MPDZ: variants seen among roughly 807,000 people sequenced by gnomAD.
MPDZ encodes the protein multiple PDZ domain protein.
Under a neutral mutation model 239.1 loss-of-function variants are expected in MPDZ, and 234 were observed. The observed-to-expected ratio is 0.98, with a 90% CI of 0.88 to 1.09. The LOEUF (loss-of-function observed/expected upper bound fraction) is 1.09. Ranked by LOEUF, MPDZ falls within the 50% of genes least tolerant of loss-of-function variation. The pLI is 0.00. For missense variants in MPDZ, 3,175 were observed against 2,510.0 expected (o/e 1.26, Z -5.66); for synonymous variants, 1,048 against 881.3 (o/e 1.19, Z -3.35).
intron 27 of MPDZ, among the ~76,000 whole-genome samples, chr9:13,141,607 T>A (rs944329202): frequency 3.9e-5 from 6 of 152,288 alleles, no homozygotes; most frequent in Non-Finnish European, 7.4e-5. Context: ...TGATTTTTTT[T>A]AAAAAACTGA....
chr9:13,123,380 T>A, intron 35 of MPDZ, 82 bp from the exon 36 acceptor site: 1 of 1,249,710 alleles, frequency 8.0e-7, no homozygotes, highest in Non-Finnish European at 1.1e-6. Flanking sequence ...AGATTGACTC[T>A]GAGGGATGGG....
At chr9:13,168,181 T>C (rs566193672) in intron 22 of MPDZ, among the ~76,000 whole-genome samples, 185 bp downstream of exon 22, 2 of 152,268 alleles carry the variant, frequency 1.3e-5, no homozygotes, top group South Asian at 4.1e-4. Context: ...AATACTGATA[T>C]AGTCTCAAAG....
At position 13,212,733 on chromosome 9, in the gene MPDZ, T is replaced by C. The variant is rs1049916297; in HGVS notation, c.1290+4041A>G. ...AATACCTGTAATCACAGCACTTTGG[T>C]AGGCAGAGGCGAGAGGATCTGTCAA... On this transcript the variant is annotated intron_variant, in intron 10 of 46. Transcript: ENST00000319217. Among the ~76,000 whole-genome samples, 3 of 140,470 alleles carry C rather than the reference T, an allele frequency of 2.1e-5. No individual in the cohort carries two copies. In the Admixed American group the frequency reaches 2.3e-4, roughly 11 times the overall value. 92.2% of individuals were successfully genotyped at this position (140,470 alleles called of 152,430 possible).
chr9:13,264,668 A>C (rs2138930951), intron 1 of MPDZ, among the ~76,000 whole-genome samples: 1 of 152,110 alleles, frequency 6.6e-6, no homozygotes, highest in South Asian at 2.1e-4. Context: ...AAAAAAAAAA[A>C]AAAAAGAGTC....
At chr9:13,241,507 T>C (rs942512594) in intron 3 of MPDZ, among the ~76,000 whole-genome samples, 1 of 152,200 alleles carries the variant, frequency 6.6e-6, no homozygotes, top group African/African-American at 2.4e-5. Context: ...CATCTCCCCT[T>C]TACTGATAGC....
At chr9:13,182,224 A>T (rs1308173132) in intron 19 of MPDZ, among the ~76,000 whole-genome samples, 1 of 152,168 alleles carries the variant, frequency 6.6e-6, no homozygotes, top group African/African-American at 2.4e-5. Flanking sequence ...TATTAAAAAA[A>T]ATTGTCCAGT....
intron 8 of MPDZ, among the ~76,000 whole-genome samples, chr9:13,218,279 A>C (rs545442659): frequency 6.6e-6 from 1 of 152,014 alleles, no homozygotes; most frequent in East Asian, 1.9e-4. Flanking sequence ...AATCTGCTTC[A>C]ATTGAAACAA....
intron 3 of MPDZ, among the ~76,000 whole-genome samples, chr9:13,245,395 T>G (rs1315064946): frequency 6.7e-6 from 1 of 149,632 alleles, no homozygotes; most frequent in Non-Finnish European, 1.5e-5. Flanking sequence ...CATCTAGGGT[T>G]CAACTTTCTA....
intron 10 of MPDZ, 45 bp from the exon 11 acceptor site, chr9:13,206,144 G>A (rs1205042446): frequency 2.0e-6 from 3 of 1,513,660 alleles, no homozygotes; most frequent in Middle Eastern, 1.7e-4. Flanking sequence ...TTAAATAAAT[G>A]GATATTTGTA....
At chr9:13,196,400 C>T (rs1353338235) in intron 12 of MPDZ, among the ~76,000 whole-genome samples, 170 bp from the exon 13 acceptor site, 3 of 152,066 alleles carry the variant, frequency 2.0e-5, no homozygotes, top group Admixed American at 2.0e-4. Context: ...AATTAAGAAC[C>T]CTATAATTTG....
At chr9:13,186,526 A>G (rs1954131812) in intron 17 of MPDZ, 140 bp from the exon 18 acceptor site, 2 of 593,744 alleles carry the variant, frequency 3.4e-6, no homozygotes, top group Non-Finnish European at 6.0e-6. Flanking sequence ...ATATGACTTC[A>G]ACATAGAATG....
chr9:13,139,793 A>C (rs890475559), intron 28 of MPDZ, 194 bp downstream of exon 28: 2 of 648,290 alleles, frequency 3.1e-6, no homozygotes, highest in Non-Finnish European at 5.5e-6. Context: ...TTTAAAGGAA[A>C]GGAAGAGCAT....
chr9:13,218,787 A>C (rs1035783669), intron 8 of MPDZ, among the ~76,000 whole-genome samples: 2 of 151,948 alleles, frequency 1.3e-5, no homozygotes, highest in Non-Finnish European at 2.9e-5. Context: ...TAATTCTTAA[A>C]TATTTAAGAG....
At chr9:13,107,996 A>T (rs1345666641) in intron 46 of MPDZ, among the ~76,000 whole-genome samples, 1 of 152,114 alleles carries the variant, frequency 6.6e-6, no homozygotes, top group Non-Finnish European at 1.5e-5. Flanking sequence ...CTTTTTTAAA[A>T]ATCTTATAAA....
chr9:13,121,877 C>G lies in MPDZ; in HGVS notation c.5093G>C (p.Arg1698Thr). The G allele has an allele frequency of 6.2e-7, 1 of 1,613,924 alleles. No homozygotes were observed. The highest frequency in any genetic ancestry group is 8.5e-7 in the Non-Finnish European group (1 of 1,179,862). Residue 1698 changes from arginine (R) to threonine (T), a missense_variant, in exon 38 of 47, where the codon AGA becomes ACA. Coordinates refer to ENST00000319217, the MANE Select transcript of MPDZ (RefSeq NM_001378778.1). ...ATHDEAINVL[R>T]QTPQRVRLTL... ...CAGGCGCACTCTCTGTGGCGTCTGT[C>G]TCAGGACATTGATTGCTTCATCATG...
intron 19 of MPDZ, among the ~76,000 whole-genome samples, chr9:13,182,970 T>C (rs1219516023): frequency 6.6e-6 from 1 of 152,130 alleles, no homozygotes; most frequent in Non-Finnish European, 1.5e-5. Context: ...TATAAAAACA[T>C]ATGACAGCAT....
chr9:13,243,263 A>G (rs1965838089), intron 3 of MPDZ, among the ~76,000 whole-genome samples: 1 of 152,176 alleles, frequency 6.6e-6, no homozygotes, highest in Non-Finnish European at 1.5e-5. Context: ...TTAAATGAAT[A>G]TAAGAATATG....
At chr9:13,163,114 A>C (rs1407513581) in intron 22 of MPDZ, among the ~76,000 whole-genome samples, 1 of 152,192 alleles carries the variant, frequency 6.6e-6, no homozygotes, top group African/African-American at 2.4e-5. Context: ...TAAATTAGGA[A>C]GATCTATAAA....
At chr9:13,133,958 T>G in intron 31 of MPDZ, 54 bp from the exon 32 acceptor site, 1 of 994,180 alleles carries the variant, frequency 1.0e-6, no homozygotes, top group Non-Finnish European at 1.4e-6. Context: ...GGAAATTTGA[T>G]TTGTTTAAAT....
Sources: allele counts gnomAD v4.1 joint callset (sites outside exome capture counted in the v4.1 genomes callset), GRCh38; gene constraint gnomAD v4.1.1; transcripts MANE v1.5; gene names NCBI Gene and HGNC (gene_info 2026-07-23, HGNC 2026-07-21).